Variants in C16orf74 observed in about 807,000 individuals in gnomAD.
C16orf74 encodes the protein calcimembrin.
In C16orf74, 10 loss-of-function variants were observed where a neutral mutation model predicts 6.5. That is an observed-to-expected ratio of 1.54 (90% CI 0.95 to 2.61). The LOEUF (loss-of-function observed/expected upper bound fraction) is 2.61. Among genes scored for constraint, C16orf74 ranks in the 30% most tolerant of loss-of-function variants. The pLI, the probability that C16orf74 is intolerant of heterozygous loss-of-function variation, is 0.00. For missense variants in C16orf74, 141 were observed against 105.9 expected, an observed-to-expected ratio of 1.33 and a Z score of -1.45; for synonymous variants, 60 against 42.5, an observed-to-expected ratio of 1.41 and a Z score of -1.60.
chr16:85,724,026 G>C (rs1251053724), intron 2 of C16orf74, among the ~76,000 whole-genome samples: 2 of 151,702 alleles, frequency 1.3e-5, no homozygotes, highest in Admixed American at 6.6e-5. Context: ...TTTTTTCAGA[G>C]ACAGGGTCTC....
At chr16:85,745,263 C>G (rs1323593085) in intron 1 of C16orf74, among the ~76,000 whole-genome samples, 5 of 152,066 alleles carry the variant, frequency 3.3e-5, no homozygotes, top group Admixed American at 6.6e-5. Flanking sequence ...AGGTCCACCC[C>G]CTCCTGAGGG....
At chr16:85,722,952 G>A (rs2054097356) in intron 2 of C16orf74, among the ~76,000 whole-genome samples, 1 of 152,198 alleles carries the variant, frequency 6.6e-6, no homozygotes, top group Non-Finnish European at 1.5e-5. Context: ...GGCGAAAAGA[G>A]GTTGAGCCAC....
Position 85,738,785 on chromosome 16 carries a change from A to C in C16orf74, c.-18-3550T>G, listed in dbSNP as rs183674760. On this transcript the variant is annotated intron_variant, in intron 1 of 3. Transcript: ENST00000284245. The stretch of plus-strand genomic sequence containing the variant: ...GGGAGCGACAGGCACATTTCCTGGC[A>C]CTCACCATGGGCCCGGCACTGTTCA... Among the ~76,000 whole-genome samples the C allele has an allele frequency of 3.7e-3, 560 of 151,796 alleles. 4 individuals are homozygous for C. The highest frequency in any genetic ancestry group is 0.013 in the African/African-American group (522 of 41,370).
intron 2 of C16orf74, among the ~76,000 whole-genome samples, chr16:85,733,296 G>A (rs188931808): frequency 1.3e-5 from 2 of 152,336 alleles, no homozygotes; most frequent in East Asian, 3.9e-4. Context: ...ACGGAGACCA[G>A]ACACAAAAGG....
chr16:85,731,687 T>C (rs2054189289), intron 2 of C16orf74, among the ~76,000 whole-genome samples: 1 of 60,060 alleles, frequency 1.7e-5, no homozygotes, highest in South Asian at 9.8e-4. Flanking sequence ...ATCTTTGTGA[T>C]GTCATTTTTT....
At chr16:85,708,964 C>A (rs558598002) in intron 3 of C16orf74, among the ~76,000 whole-genome samples, 1 of 152,366 alleles carries the variant, frequency 6.6e-6, no homozygotes, top group East Asian at 1.9e-4. Flanking sequence ...CTGGGGGCCA[C>A]GGGGTGAAGT....
At chr16:85,709,613 G>A (rs778706553) in intron 3 of C16orf74, among the ~76,000 whole-genome samples, 1 of 152,122 alleles carries the variant, frequency 6.6e-6, no homozygotes, top group South Asian at 2.1e-4. Context: ...TGTCCCACCA[G>A]CTCCAGAGGT....
At chr16:85,726,098 C>G (rs1048806223) in intron 2 of C16orf74, among the ~76,000 whole-genome samples, 1 of 152,134 alleles carries the variant, frequency 6.6e-6, no homozygotes, top group African/African-American at 2.4e-5. Flanking sequence ...ATGGCTAACT[C>G]CAGTGTCGGC....
At chr16:85,723,269 A>AC (rs1009148113) in intron 2 of C16orf74, among the ~76,000 whole-genome samples, 1 of 149,956 alleles carries the variant, frequency 6.7e-6, no homozygotes, top group African/African-American at 2.5e-5. Context: ...CAAAAAAAAA[A>AC]AAAAAAAAAA....
At chr16:85,731,891 A>T (rs113316939) in intron 2 of C16orf74, among the ~76,000 whole-genome samples, 10,895 of 152,056 alleles carry the variant, frequency 0.072, 491 homozygotes, top group Non-Finnish European at 0.1. Context: ...GGGTTTTGCA[A>T]TGTTGCCCAG....
chr16:85,745,371 TG>T (rs745921981), intron 1 of C16orf74, among the ~76,000 whole-genome samples: 16 of 152,196 alleles, frequency 1.1e-4, no homozygotes, highest in Non-Finnish European at 2.2e-4. Flanking sequence ...ATGTTGGCTG[TG>T]TTTGTTTTTG....
At chr16:85,716,239 A>C (rs560656474) in intron 2 of C16orf74, among the ~76,000 whole-genome samples, 114 of 148,348 alleles carry the variant, frequency 7.7e-4, no homozygotes, top group African/African-American at 2.7e-3. Context: ...GTCTCGGAGG[A>C]GAGGGGGTTG....
At chr16:85,726,050 C>T (rs1449476941) in intron 2 of C16orf74, among the ~76,000 whole-genome samples, 1 of 152,182 alleles carries the variant, frequency 6.6e-6, no homozygotes, top group Non-Finnish European at 1.5e-5. Context: ...TTTGCATTTG[C>T]TGTTCCTTCT....
At chr16:85,732,963 G>A (rs1298797535) in intron 2 of C16orf74, among the ~76,000 whole-genome samples, 2 of 152,196 alleles carry the variant, frequency 1.3e-5, no homozygotes, top group African/African-American at 4.8e-5. Flanking sequence ...TCACTCGTGA[G>A]GGGCCGAGGG....
intron 1 of C16orf74, among the ~76,000 whole-genome samples, chr16:85,744,949 C>T (rs919349766): frequency 6.6e-6 from 1 of 151,556 alleles, no homozygotes. Context: ...CAAGACCAGC[C>T]TGACCAACAT....
rs1028562371 is a variant in C16orf74, at chr16:85,710,349, C to A, written c.29-42G>T. The A allele has an allele frequency of 1.4e-5, 20 of 1,437,490 alleles. 1 individual carries two copies. The highest frequency in any genetic ancestry group is 1.7e-4 in the Middle Eastern group (1 of 5,718). The allele number at this position is 1,437,490 out of a possible 1,614,324, so 89.0% of individuals were successfully genotyped here. A position where few individuals can be genotyped will look rare whatever the true frequency, so the allele number is the denominator to read the frequency against. Reference sequence around the variant, plus strand: ...GGAGCACACACGCACGTACACACGACAGAGAGACAGGCATCAGTGGCCGCC... The same window carrying A: ...GGAGCACACACGCACGTACACACGAAAGAGAGACAGGCATCAGTGGCCGCC... On this transcript the variant is annotated intron_variant, in intron 2 of 3. Transcript: ENST00000284245.
Position 85,750,963 on chromosome 16 carries a change from C to T in C16orf74, c.-56G>A, listed in dbSNP as rs908762765. On this transcript the variant is annotated 5_prime_UTR_variant, in exon 1 of 4. Coordinates refer to ENST00000284245, the MANE Select transcript of C16orf74 (RefSeq NM_206967.3). Reference sequence around the variant, plus strand: ...GGTGGGCTCACTGCGGAGCCGCGCCCGAGGCGCGCGAGGCCCGCCCGGGCG... The same window carrying T: ...GGTGGGCTCACTGCGGAGCCGCGCCTGAGGCGCGCGAGGCCCGCCCGGGCG... 6.6e-6 allele frequency: 1 copy of T among 150,614 alleles called. No homozygotes were observed. The highest frequency in any genetic ancestry group is 2.4e-5 in the African/African-American group (1 of 41,200). 9.3% of individuals were successfully genotyped at this position (150,614 alleles called of 1,614,324 possible).
At position 85,708,079 on chromosome 16, in the gene C16orf74, G is replaced by T; in HGVS notation, c.173-13C>A. On this transcript the variant is annotated splice_polypyrimidine_tract_variant and intron_variant, in intron 3 of 3. Coordinates refer to ENST00000284245, the MANE Select transcript of C16orf74 (RefSeq NM_206967.3). ...TCATCCAGCCAGACTAGGAGAAAGA[G>T]GGGATGGACACCTGGATGCACCCTG... 1 of 1,551,960 alleles carries T rather than the reference G, an allele frequency of 6.4e-7. No individual in the cohort carries two copies. Among genetic ancestry groups the T allele is most frequent in the East Asian group, 2.4e-5 (1 of 40,988 alleles).
intron 2 of C16orf74, among the ~76,000 whole-genome samples, chr16:85,719,609 T>C (rs1363661579): frequency 6.6e-6 from 1 of 152,068 alleles, no homozygotes; most frequent in East Asian, 1.9e-4. Context: ...TCCAAGATCC[T>C]GGGTCAGTTC....
Sources: gnomAD v4.1 joint callset for allele counts (sites outside exome capture counted in the v4.1 genomes callset) on GRCh38, gnomAD v4.1.1 for gene constraint, MANE v1.5 for transcripts, NCBI Gene and HGNC (gene_info 2026-07-23, HGNC 2026-07-21) for gene names.